GIGYF2: variants seen among roughly 807,000 people sequenced by gnomAD.
GIGYF2 encodes the protein GRB10-interacting GYF protein 2.
GIGYF2 carries 25 observed loss-of-function variants against 208.1 expected under a neutral mutation model. The ratio of observed to expected loss-of-function variants is 0.12; its 90% CI spans 0.09 to 0.17. The LOEUF (loss-of-function observed/expected upper bound fraction) is 0.17. GIGYF2 is among the 10% of genes least tolerant of loss of function. The pLI is 1.00. For missense variants in GIGYF2, 1,302 were observed against 1,579.4 expected (o/e 0.82, Z 2.98); for synonymous variants, 534 against 543.8 (o/e 0.98, Z 0.25).
intron 5 of GIGYF2, among the ~76,000 whole-genome samples, chr2:232,751,378 CT>C (rs1698333275): frequency 6.6e-6 from 1 of 151,962 alleles, no homozygotes; most frequent in Non-Finnish European, 1.5e-5. Flanking sequence ...ACACGCCTGG[CT>C]AATTTTTGTA....
chr2:232,811,222 C>CTT (rs3217560), intron 16 of GIGYF2, 22 bp from the exon 17 acceptor site: 36 of 1,202,436 alleles, frequency 3.0e-5, no homozygotes, highest in East Asian at 1.1e-4. Flanking sequence ...ACAGGTTATA[C>CTT]TTTTTTTTTT....
chr2:232,719,833 A>G (rs753331436), intron 2 of GIGYF2, among the ~76,000 whole-genome samples: 14 of 152,202 alleles, frequency 9.2e-5, no homozygotes, highest in Non-Finnish European at 2.9e-5. Flanking sequence ...GGAATATATT[A>G]CTTGAAGTCA....
intron 14 of GIGYF2, among the ~76,000 whole-genome samples, chr2:232,797,722 C>T (rs1700266539): frequency 6.6e-6 from 1 of 152,004 alleles, no homozygotes; most frequent in Admixed American, 6.6e-5. Flanking sequence ...TGGCTCATGC[C>T]TGTAATCCCA....
In GIGYF2 at chr2:232,791,121, C is replaced by T. The variant is rs111427690; in HGVS notation, c.1044C>T (p.Pro348=). ...GCCATAATGAAGAGGCCAAAGAACC[C>T]GATAAGACAAATAAGAAAGAAGGAG... is the stretch of plus-strand genomic sequence containing the variant. The part of the protein sequence containing the change: ...EGSHNEEAKE[P]DKTNKKEGEK... Residue 348 remains proline, a synonymous_variant, in exon 11 of 29, where the codon CCC becomes CCT. Coordinates refer to ENST00000373563, the MANE Select transcript of GIGYF2 (RefSeq NM_001103146.3). The T allele has an allele frequency of 2.2e-5, 35 of 1,613,702 alleles. No individual in the cohort carries two copies. Among genetic ancestry groups the T allele is most frequent in the Non-Finnish European group, 2.5e-5 (30 of 1,179,940 alleles).
intron 14 of GIGYF2, among the ~76,000 whole-genome samples, chr2:232,801,578 A>G (rs1700401800): frequency 1.3e-5 from 2 of 152,366 alleles, no homozygotes; most frequent in Admixed American, 6.5e-5. Context: ...ATACGCATAC[A>G]TATTATGGAT....
intron 22 of GIGYF2, among the ~76,000 whole-genome samples, chr2:232,838,581 T>C (rs1005546525): frequency 6.6e-6 from 1 of 152,244 alleles, no homozygotes; most frequent in African/African-American, 2.4e-5. Context: ...TAAAATATGC[T>C]GATTCTCCTG....
Position 232,735,175 on chromosome 2 carries a change from C to A in GIGYF2, c.-23C>A. On this transcript the variant is annotated 5_prime_UTR_variant, in exon 3 of 29. Transcript: ENST00000373563. Reference sequence around the variant, plus strand: ...AACAGGTTTCTTCACATATAAAAATCTATTGTAAAAATACGGAAAAGAATG... The same window carrying A: ...AACAGGTTTCTTCACATATAAAAATATATTGTAAAAATACGGAAAAGAATG... 1.3e-6 allele frequency: 2 copies of A among 1,558,880 alleles called. No individual in the cohort carries two copies. The highest frequency in any genetic ancestry group is 1.8e-6 in the Non-Finnish European group (2 of 1,129,986).
intron 2 of GIGYF2, among the ~76,000 whole-genome samples, chr2:232,727,179 T>C (rs1697240117): frequency 6.6e-6 from 1 of 152,212 alleles, no homozygotes; most frequent in Non-Finnish European, 1.5e-5. Context: ...TTGGCCAGGC[T>C]GGTCTTGAAC....
Position 232,819,840 on chromosome 2 carries a change from G to T in GIGYF2, c.2384G>T (p.Arg795Leu), listed in dbSNP as rs200601366. The change falls in exon 21 of 29, where the codon CGT (arginine) becomes CTT (leucine). Residue 795 changes from arginine to leucine, a missense_variant. Around this residue, in one of 8 missense-constraint regions of GIGYF2, gnomAD observed 701 missense variants for 793.0 expected, o/e 0.88. Coordinates refer to ENST00000373563, the MANE Select transcript of GIGYF2 (RefSeq NM_001103146.3). ...LARRKQEEALRRQREQEIALR... is the reference protein window; with the variant it reads ...LARRKQEEALLRQREQEIALR... ...TTTTTTCCTTAGGAAGAGGCTCTGC[G>T]TCGCCAGCGGGAGCAAGAAATTGCA... The T allele has an allele frequency of 1.3e-6, 2 of 1,544,328 alleles. No individual in the cohort carries two copies. Among genetic ancestry groups the T allele is most frequent in the Non-Finnish European group, 1.8e-6 (2 of 1,139,528 alleles).
In GIGYF2 at chr2:232,791,250, T is replaced by C; in HGVS notation, c.1094-8T>C. ...CGTAAGTTCAACTAAGATTACTTCG[T>C]GTTCCAGAAGCTAGTGAGGAAACTC... On this transcript the variant is annotated splice_polypyrimidine_tract_variant and splice_region_variant and intron_variant, in intron 11 of 28. Transcript: ENST00000373563. 1 of 1,614,084 alleles carries C rather than the reference T, an allele frequency of 6.2e-7. No homozygotes were observed. Among genetic ancestry groups the C allele is most frequent in the African/African-American group, 1.3e-5 (1 of 75,038 alleles).
intron 2 of GIGYF2, among the ~76,000 whole-genome samples, 168 bp downstream of exon 2, chr2:232,703,657 T>A (rs2106243090): frequency 1.3e-5 from 2 of 152,350 alleles, no homozygotes; most frequent in South Asian, 4.1e-4. Flanking sequence ...AAGAGTAACA[T>A]ACCCTTTCTG....
At chr2:232,818,704 T>C (rs1002594007) in intron 20 of GIGYF2, among the ~76,000 whole-genome samples, 1 of 152,308 alleles carries the variant, frequency 6.6e-6, no homozygotes, top group East Asian at 1.9e-4. Context: ...TTTGTACTTG[T>C]GTTTTATAGC....
At chr2:232,822,284 C>T (rs2106398016) in intron 21 of GIGYF2, among the ~76,000 whole-genome samples, 1 of 152,222 alleles carries the variant, frequency 6.6e-6, no homozygotes, top group South Asian at 2.1e-4. Flanking sequence ...TTATGTTTTC[C>T]TTGTTTTTTC....
chr2:232,720,129 G>A (rs1453108928), intron 2 of GIGYF2, among the ~76,000 whole-genome samples: 2 of 152,154 alleles, frequency 1.3e-5, no homozygotes, highest in East Asian at 1.9e-4. Flanking sequence ...AGTGTGTGAT[G>A]TTCCCCACCC....
Position 232,771,273 on chromosome 2 carries a change from T to C in GIGYF2, c.532+9837T>C, listed in dbSNP as rs761628223. The C allele has an allele frequency of 2.5e-6, 4 of 1,609,088 alleles. No homozygotes were observed. Among genetic ancestry groups the C allele is most frequent in the Non-Finnish European group, 3.4e-6 (4 of 1,176,922 alleles). On this transcript the variant is annotated intron_variant, in intron 8 of 28. Coordinates refer to ENST00000373563, the MANE Select transcript of GIGYF2 (RefSeq NM_001103146.3). Reference sequence around the variant, plus strand: ...CAAGACCTCTTTGAGCGCCATCCATTTGAAGTGTGCTGTGGCCATCCTTGG... The same window carrying C: ...CAAGACCTCTTTGAGCGCCATCCATCTGAAGTGTGCTGTGGCCATCCTTGG...
chr2:232,702,730 T>C (rs536617812), intron 1 of GIGYF2, among the ~76,000 whole-genome samples: 41 of 152,350 alleles, frequency 2.7e-4, no homozygotes, highest in African/African-American at 8.9e-4. Context: ...AATGATCATA[T>C]TTCTGAGGGC....
intron 21 of GIGYF2, 133 bp downstream of exon 21, chr2:232,820,118 T>C: frequency 2.4e-6 from 2 of 836,934 alleles, no homozygotes; most frequent in South Asian, 3.1e-5. Flanking sequence ...GAAACCTAAC[T>C]GGCTCTTATT....
Position 232,755,038 on chromosome 2 carries a change from G to C in GIGYF2, c.268-1185G>C, listed in dbSNP as rs952339302. Among the ~76,000 whole-genome samples, 3 of 152,206 alleles carry C rather than the reference G, an allele frequency of 2.0e-5. No individual in the cohort carries two copies. In the South Asian group the frequency reaches 6.3e-4, roughly 32 times the overall value. On this transcript the variant is annotated intron_variant, in intron 5 of 28. Transcript: ENST00000373563. The stretch of plus-strand genomic sequence containing the variant: ...GAAAGTAGAAGTTTTTTAACGATTA[G>C]ATGTTGACTTCTTCAAAAGAAGGTG...
intron 2 of GIGYF2, chr2:232,730,143 A>T: frequency 6.7e-7 from 1 of 1,501,974 alleles, no homozygotes; most frequent in Non-Finnish European, 9.2e-7. Context: ...CTTGTCCGCC[A>T]GGTAATTGTT....
Sources: allele counts gnomAD v4.1 joint callset (sites outside exome capture counted in the v4.1 genomes callset), GRCh38; gene constraint gnomAD v4.1.1; regional missense constraint gnomAD v4.1.1; transcripts MANE v1.5; gene names NCBI Gene and HGNC (gene_info 2026-07-23, HGNC 2026-07-21).